Variants in BCL2L13 observed in about 807,000 individuals in gnomAD.
BCL2L13 encodes the protein BCL2 like 13.
In BCL2L13, 13 loss-of-function variants were observed where a neutral mutation model predicts 25.8. The ratio of observed to expected loss-of-function variants is 0.50; its 90% CI spans 0.33 to 0.80. The LOEUF is 0.80. Ranked by LOEUF, BCL2L13 falls within the 30% of genes least tolerant of loss-of-function variation. BCL2L13 has a pLI of 0.02. For missense variants in BCL2L13, 504 were observed against 574.9 expected (o/e 0.88, Z 1.26); for synonymous variants, 244 against 230.3 (o/e 1.06, Z -0.54).
exon 1 of BCL2L13, chr22:17,628,919 T>C (rs1166655501): frequency 3.9e-6 from 2 of 508,270 alleles, no homozygotes; most frequent in Admixed American, 3.2e-5. Context: ...ATTTTTTTCC[T>C]AAACTGGGAT....
intron 3 of BCL2L13, among the ~76,000 whole-genome samples, chr22:17,685,326 A>G (rs1428449466): frequency 6.6e-6 from 1 of 151,926 alleles, no homozygotes; most frequent in Non-Finnish European, 1.5e-5. Flanking sequence ...TTAAGGTTCA[A>G]GCAATTCTCC....
intron 6 of BCL2L13, among the ~76,000 whole-genome samples, chr22:17,711,428 G>A (rs1464366948): frequency 1.3e-5 from 2 of 150,942 alleles, no homozygotes; most frequent in Non-Finnish European, 2.9e-5. Context: ...CTCTTGAGTA[G>A]CTGGGACCAC....
Position 17,702,355 on chromosome 22 carries a change from C to T in BCL2L13, c.569C>T (p.Ser190Leu), listed in dbSNP as rs749474060. 26 of 1,608,582 alleles carry T rather than the reference C, an allele frequency of 1.6e-5. No homozygotes were observed. The highest frequency in any genetic ancestry group is 1.3e-4 in the East Asian group (6 of 44,510). Residue 190 changes from serine (S) to leucine (L), a missense_variant, in exon 6 of 7, where the codon TCG (serine) becomes TTG (leucine). By Grantham distance (145) the Ser-to-Leu change is moderately radical (BLOSUM62 -2). Coordinates refer to ENST00000317582, the MANE Select transcript of BCL2L13 (RefSeq NM_015367.4). ...GGCGTGACATACCTGGAGGACTATTCGGCAGAGTACATCATTCAGCAAGGT... is the reference window on the plus strand; with the variant it reads ...GGCGTGACATACCTGGAGGACTATTTGGCAGAGTACATCATTCAGCAAGGT... ...QFGVTYLEDY[S>L]AEYIIQQGGW...
At chr22:17,659,889 T>C (rs1202381547) in intron 2 of BCL2L13, among the ~76,000 whole-genome samples, 1 of 146,538 alleles carries the variant, frequency 6.8e-6, no homozygotes, top group East Asian at 1.9e-4. Flanking sequence ...AGAATCTTGC[T>C]GTGTCACCCA....
chr22:17,670,982 T>C (rs994154354), intron 2 of BCL2L13, among the ~76,000 whole-genome samples: 17 of 152,100 alleles, frequency 1.1e-4, no homozygotes, highest in African/African-American at 3.6e-4. Flanking sequence ...AACAAAAGAC[T>C]GGGCATAGTG....
At chr22:17,671,017 T>C (rs565610732) in intron 2 of BCL2L13, among the ~76,000 whole-genome samples, 3 of 152,200 alleles carry the variant, frequency 2.0e-5, no homozygotes, top group African/African-American at 7.2e-5. Flanking sequence ...TGCCAGCACT[T>C]TGGGAGGCCG....
intron 6 of BCL2L13, among the ~76,000 whole-genome samples, chr22:17,710,560 A>G (rs1298911498): frequency 3.3e-5 from 5 of 151,994 alleles, no homozygotes; most frequent in African/African-American, 1.2e-4. Context: ...AGCCTGGGTG[A>G]CAGAGCAAGA....
In BCL2L13 at chr22:17,669,022, G is replaced by GTTTC. The variant is rs1221458906; in HGVS notation, c.121+13198_121+13201dup. Among the ~76,000 whole-genome samples, 4 of 120,454 alleles carry GTTTC rather than the reference G, an allele frequency of 3.3e-5. 1 individual carries two copies. Among genetic ancestry groups the GTTTC allele is most frequent in the African/African-American group, 1.2e-4 (4 of 32,932 alleles). The allele number at this position is 120,454 out of a possible 152,430, so 79.0% of individuals were successfully genotyped here. A position where few individuals can be genotyped will look rare whatever the true frequency, so the allele number is the denominator to read the frequency against. ...AAGAAAAGAAGTTTATTTGGCTCCT[G>GTTTC]TTTCTTTCTTTTTTTTTTTTTTTTT... On this transcript the variant is annotated intron_variant, in intron 2 of 6. Coordinates refer to ENST00000317582, the MANE Select transcript of BCL2L13 (RefSeq NM_015367.4).
At chr22:17,670,862 C>T (rs1339572496) in intron 2 of BCL2L13, among the ~76,000 whole-genome samples, 2 of 152,246 alleles carry the variant, frequency 1.3e-5, no homozygotes, top group East Asian at 3.9e-4. Flanking sequence ...TCAGATCTGT[C>T]CTCCATCAGT....
chr22:17,723,772 A>G (rs2907923), intron 6 of BCL2L13, among the ~76,000 whole-genome samples: 21,157 of 151,988 alleles, frequency 0.14, 2,026 homozygotes, highest in Non-Finnish European at 0.21. Context: ...GTCTCTACTA[A>G]AAATACAAGT....
intron 4 of BCL2L13, among the ~76,000 whole-genome samples, chr22:17,694,506 T>A (rs1303375773): frequency 6.6e-6 from 1 of 150,828 alleles, no homozygotes; most frequent in African/African-American, 2.4e-5. Context: ...TGACTCCATT[T>A]AAAAAAAAAA....
rs558710163 is a variant in BCL2L13 at position 17,671,521 on chromosome 22, C to T, written c.122-11693C>T. Among the ~76,000 whole-genome samples, 12 of 150,122 alleles carry T rather than the reference C, an allele frequency of 8.0e-5. No individual in the cohort carries two copies. The South Asian group carries it at 1.5e-3, about 19-fold the overall frequency. ...AGCAGAGGTTGAAGTGAGTTGAGAT[C>T]GCGCCATGCACTCCATTCTGGGCAA... On this transcript the variant is annotated intron_variant, in intron 2 of 6. Transcript: ENST00000317582.
At chr22:17,689,842 CA>C (rs66645091) in intron 4 of BCL2L13, among the ~76,000 whole-genome samples, 64,312 of 97,450 alleles carry the variant, frequency 0.66, 18,250 homozygotes, top group East Asian at 0.84. Flanking sequence ...GACTCCATCT[CA>C]AAAAAAAAAA....
intron 1 of BCL2L13, among the ~76,000 whole-genome samples, chr22:17,641,650 C>G (rs1259648163): frequency 1.3e-5 from 2 of 152,120 alleles, no homozygotes; most frequent in Non-Finnish European, 2.9e-5. Flanking sequence ...TCATTTTCAT[C>G]ACCTCAAAAA....
intron 2 of BCL2L13, among the ~76,000 whole-genome samples, chr22:17,659,488 C>T (rs147580196): frequency 0.06 from 8,619 of 144,640 alleles, 965 homozygotes; most frequent in African/African-American, 0.13. Context: ...GGTGAAACCC[C>T]ATCTCTGCTA....
At chr22:17,720,660 C>T (rs905666689) in intron 6 of BCL2L13, among the ~76,000 whole-genome samples, 4 of 150,778 alleles carry the variant, frequency 2.7e-5, no homozygotes, top group East Asian at 2.0e-4. Flanking sequence ...CCACCGTGCC[C>T]GGCCTTAATT....
chr22:17,686,659 C>T (rs555892203), intron 3 of BCL2L13, among the ~76,000 whole-genome samples: 4 of 151,742 alleles, frequency 2.6e-5, no homozygotes, highest in South Asian at 4.2e-4. Context: ...TATAGGCGCC[C>T]GCCACCATGC....
chr22:17,629,541 T>C (rs1345174555), intron 1 of BCL2L13, among the ~76,000 whole-genome samples: 1 of 152,182 alleles, frequency 6.6e-6, no homozygotes, highest in Admixed American at 6.5e-5. Flanking sequence ...TGGATTTACC[T>C]CAAGCCCGTT....
rs755424598 is a variant in BCL2L13 at position 17,727,131 on chromosome 22, C to T, written c.1055C>T (p.Thr352Ile). 1.9e-6 allele frequency: 3 copies of T among 1,614,234 alleles called. No homozygotes were observed. Among genetic ancestry groups the T allele is most frequent in the South Asian group, 2.2e-5 (2 of 91,086 alleles). ...CCCTTGCTTCCACATATCACTGCCA[C>T]CTCCCTGCTGGGGACAAGGGAACCT... ...PAPLLPHITATSLLGTREPDT... is the reference protein window; with the variant it reads ...PAPLLPHITAISLLGTREPDT... Residue 352 changes from threonine to isoleucine, a missense_variant, in exon 7 of 7, where the codon ACC becomes ATC. Transcript: ENST00000317582.
Sources: gnomAD v4.1 joint callset for allele counts (sites outside exome capture counted in the v4.1 genomes callset) on GRCh38, gnomAD v4.1.1 for gene constraint, MANE v1.5 for transcripts, NCBI Gene and HGNC (gene_info 2026-07-23, HGNC 2026-07-21) for gene names.